KPNA6: variants seen among roughly 807,000 people sequenced by gnomAD.
KPNA6 encodes the protein importin subunit alpha-7.
A neutral mutation model predicts 72.0 loss-of-function variants in KPNA6; 9 were observed. The observed-to-expected ratio is 0.13, with a 90% CI of 0.08 to 0.22. The LOEUF (loss-of-function observed/expected upper bound fraction) is 0.22. Among genes scored for constraint, KPNA6 ranks in the 10% least tolerant of loss-of-function variants. KPNA6 has a pLI of 1.00. For missense variants in KPNA6, 374 were observed against 655.7 expected (o/e 0.57, Z 4.69); for synonymous variants, 219 against 242.1 (o/e 0.90, Z 0.89).
chr1:32,135,308 C>A (rs1000856462), intron 1 of KPNA6, among the ~76,000 whole-genome samples: 5 of 152,118 alleles, frequency 3.3e-5, no homozygotes, highest in African/African-American at 1.2e-4. Flanking sequence ...CTCAGGTGAT[C>A]TGTCCCCCTC....
At chr1:32,124,531 G>C (rs1641497708) in intron 1 of KPNA6, among the ~76,000 whole-genome samples, 1 of 143,042 alleles carries the variant, frequency 7.0e-6, no homozygotes, top group East Asian at 2.1e-4. Flanking sequence ...TTTTCCAACA[G>C]TCTCTCGCTC....
At position 32,158,271 on chromosome 1, in the gene KPNA6, T is replaced by C. The variant is rs939777140; in HGVS notation, c.336T>C (p.Pro112=). The change falls in exon 5 of 14, where the codon CCT becomes CCC. Residue 112 remains proline, a synonymous_variant. Coordinates refer to ENST00000373625, the MANE Select transcript of KPNA6 (RefSeq NM_012316.5). The stretch of plus-strand genomic sequence containing the variant: ...TTTCCCTTCTCCCTTATCCAGAGCC[T>C]AGTCCTCCAATAGATGAAGTTATCA... ...QKFRKLLSKE[P]SPPIDEVINT... The C allele has an allele frequency of 6.2e-7, 1 of 1,608,500 alleles. No homozygotes were observed. Among genetic ancestry groups the C allele is most frequent in the Non-Finnish European group, 8.5e-7 (1 of 1,175,150 alleles).
At position 32,110,530 on chromosome 1, in the gene KPNA6, T is replaced by C. The variant is rs147450434; in HGVS notation, c.4+2396T>C. Among the ~76,000 whole-genome samples, 8 of 152,290 alleles carry C rather than the reference T, an allele frequency of 5.3e-5. 1 individual carries two copies. Among genetic ancestry groups the C allele is most frequent in the African/African-American group, 1.9e-4 (8 of 41,560 alleles). Reference sequence around the variant, plus strand: ...AGCACAGTCCACAATAATGTTTTTCTTCCTTTCTGAGCCTTCCTTTTCTGA... The same window carrying C: ...AGCACAGTCCACAATAATGTTTTTCCTCCTTTCTGAGCCTTCCTTTTCTGA... On this transcript the variant is annotated intron_variant, in intron 1 of 13. Coordinates refer to ENST00000373625, the MANE Select transcript of KPNA6 (RefSeq NM_012316.5).
intron 1 of KPNA6, among the ~76,000 whole-genome samples, chr1:32,110,301 G>A (rs1256507253): frequency 6.6e-6 from 1 of 151,932 alleles, no homozygotes; most frequent in Non-Finnish European, 1.5e-5. Context: ...CTGACCTCTG[G>A]TGATCTGCCC....
rs1000305565 is a variant in KPNA6 at position 32,144,810 on chromosome 1, C to T, written c.5-9778C>T. 6.4e-4 allele frequency among the ~76,000 whole-genome samples: 98 copies of T among 152,008 alleles called. 1 individual carries two copies. The highest frequency in any genetic ancestry group is 6.8e-4 in the Non-Finnish European group (46 of 68,010). ...GGATTGCAAGGATGTGCCACCATGC[C>T]CAGCTAATTTTGTATTTTTAGTAGA... is the stretch of plus-strand genomic sequence containing the variant. On this transcript the variant is annotated intron_variant, in intron 1 of 13. Transcript: ENST00000373625.
At chr1:32,138,350 C>G (rs1641777264) in intron 1 of KPNA6, among the ~76,000 whole-genome samples, 2 of 151,690 alleles carry the variant, frequency 1.3e-5, no homozygotes, top group African/African-American at 4.8e-5. Context: ...TCGAGACCAG[C>G]CTGACCAACA....
At chr1:32,155,966 A>T in intron 2 of KPNA6, among the ~76,000 whole-genome samples, 1 of 115,218 alleles carries the variant, frequency 8.7e-6, no homozygotes, top group Middle Eastern at 7.5e-3. Context: ...CATGTTGCCC[A>T]GGCTGGTCTT....
chr1:32,146,249 A>G (rs2124031893), intron 1 of KPNA6, among the ~76,000 whole-genome samples: 1 of 152,342 alleles, frequency 6.6e-6, no homozygotes, highest in African/African-American at 2.4e-5. Context: ...AAAAGTCTCC[A>G]AATATTTTTT....
intron 1 of KPNA6, among the ~76,000 whole-genome samples, chr1:32,139,089 G>A (rs1325397021): frequency 6.6e-6 from 1 of 152,044 alleles, no homozygotes; most frequent in Admixed American, 6.6e-5. Flanking sequence ...AGCTGTTGTG[G>A]CTAGGCCTTG....
chr1:32,112,858 C>G (rs956168816), intron 1 of KPNA6, among the ~76,000 whole-genome samples: 11 of 152,114 alleles, frequency 7.2e-5, no homozygotes, highest in Non-Finnish European at 1.5e-4. Context: ...GAGCTGTAAT[C>G]TTTGCTGGTG....
intron 1 of KPNA6, among the ~76,000 whole-genome samples, chr1:32,112,775 A>G (rs1030769616): frequency 7.9e-5 from 12 of 152,142 alleles, no homozygotes; most frequent in African/African-American, 2.9e-4. Context: ...ATAGGCATGC[A>G]TGAGCCACCA....
intron 1 of KPNA6, among the ~76,000 whole-genome samples, chr1:32,112,412 G>A (rs1457836160): frequency 1.3e-5 from 2 of 152,098 alleles, no homozygotes; most frequent in Non-Finnish European, 2.9e-5. Flanking sequence ...GTTTTCCAAT[G>A]CATATAAAAG....
At chr1:32,112,410 A>G (rs1003382328) in intron 1 of KPNA6, among the ~76,000 whole-genome samples, 1 of 152,204 alleles carries the variant, frequency 6.6e-6, no homozygotes, top group Non-Finnish European at 1.5e-5. Flanking sequence ...CTGTTTTCCA[A>G]TGCATATAAA....
At chr1:32,118,733 A>G (rs1641370304) in intron 1 of KPNA6, among the ~76,000 whole-genome samples, 1 of 151,994 alleles carries the variant, frequency 6.6e-6, no homozygotes. Flanking sequence ...TTGAGGTTGC[A>G]GTGAGTTATA....
At chr1:32,108,510 G>A (rs1189514945) in intron 1 of KPNA6, among the ~76,000 whole-genome samples, 1 of 152,366 alleles carries the variant, frequency 6.6e-6, no homozygotes, top group African/African-American at 2.4e-5. Context: ...TTTCTCCTGG[G>A]TTGTGTTTGG....
At position 32,173,173 on chromosome 1, in the gene KPNA6, TAAAAAAA is replaced by T. The variant is rs60616241; in HGVS notation, c.*2294_*2300del. On this transcript the variant is annotated 3_prime_UTR_variant, in exon 14 of 14. Coordinates refer to ENST00000373625, the MANE Select transcript of KPNA6 (RefSeq NM_012316.5). ...ATTAAAAAACCATTCTCTTACAGTT[TAAAAAAA>T]AAAAAAAAAAAAAAGCCTTCCCCTA... is the stretch of plus-strand genomic sequence containing the variant. The T allele has an allele frequency of 1.2e-5, 4 of 320,138 alleles. No individual in the cohort carries two copies. The highest frequency in any genetic ancestry group is 4.2e-5 in the East Asian group (1 of 23,632). 19.8% of individuals were successfully genotyped at this position (320,138 alleles called of 1,614,324 possible). A position where few individuals can be genotyped will look rare whatever the true frequency, so the allele number is the denominator to read the frequency against.
chr1:32,155,271 T>C (rs1642116347), intron 2 of KPNA6, among the ~76,000 whole-genome samples: 1 of 151,880 alleles, frequency 6.6e-6, no homozygotes, highest in African/African-American at 2.4e-5. Flanking sequence ...ATTTATGTCT[T>C]TACTGTAACA....
At chr1:32,151,537 C>G (rs1326050860) in intron 1 of KPNA6, among the ~76,000 whole-genome samples, 1 of 152,108 alleles carries the variant, frequency 6.6e-6, no homozygotes, top group Non-Finnish European at 1.5e-5. Flanking sequence ...GGAATGCTGT[C>G]TCAGTGTTTT....
rs553243749 is a variant in KPNA6 at position 32,163,068 on chromosome 1, C to T, written c.912-167C>T. On this transcript the variant is annotated intron_variant, in intron 9 of 13. Coordinates refer to ENST00000373625, the MANE Select transcript of KPNA6 (RefSeq NM_012316.5). The stretch of plus-strand genomic sequence containing the variant: ...GCAGTGAGCCGAGATCGCGCCACTG[C>T]ACTCTAGCCTGGGCGACAGAGCGAG... Among the ~76,000 whole-genome samples the T allele has an allele frequency of 4.0e-5, 6 of 151,694 alleles. No homozygotes were observed. In the East Asian group the frequency reaches 9.7e-4, roughly 24 times the overall value.
Sources: allele counts gnomAD v4.1 joint callset (sites outside exome capture counted in the v4.1 genomes callset), GRCh38; gene constraint gnomAD v4.1.1; transcripts MANE v1.5; gene names NCBI Gene and HGNC (gene_info 2026-07-23, HGNC 2026-07-21).